Variants in CC2D1B observed in about 807,000 individuals in gnomAD.
The protein encoded by CC2D1B is coiled-coil and C2 domain-containing protein 1B.
A neutral mutation model predicts 110.8 loss-of-function variants in CC2D1B; 92 were observed. That is an observed-to-expected ratio of 0.83 (90% CI 0.70 to 0.99). The LOEUF (loss-of-function observed/expected upper bound fraction) is 0.99. Ranked by LOEUF, CC2D1B falls within the 50% of genes least tolerant of loss-of-function variation. The pLI is 0.00. For synonymous variants in CC2D1B, 406 were observed against 429.2 expected (o/e 0.95, Z 0.67); for missense variants, 1,136 against 1,089.0 (o/e 1.04, Z -0.61).
At position 52,353,499 on chromosome 1, in the gene CC2D1B, G is replaced by A. The variant is rs763364108; in HGVS notation, c.*1+19C>T. 50 of 1,598,988 alleles carry A rather than the reference G, an allele frequency of 3.1e-5. 1 individual carries two copies. In the Admixed American group the frequency reaches 8.5e-4, roughly 27 times the overall value. ...AAAAGGAGGGGGCAAAGGTTCTGAA[G>A]GCCCAGAGAGCTGCCCACCTCACAA... On this transcript the variant is annotated intron_variant, in intron 24 of 24. Coordinates refer to ENST00000284376, the MANE Select transcript of CC2D1B (RefSeq NM_001330585.2).
At chr1:52,356,118 C>G in intron 18 of CC2D1B, 68 bp downstream of exon 18, 1 of 1,385,822 alleles carries the variant, frequency 7.2e-7, no homozygotes, top group South Asian at 1.2e-5. Context: ...GGGTAGCAGT[C>G]TCTGGCCTGG....
At chr1:52,360,296 C>A in intron 6 of CC2D1B, 63 bp from the exon 7 acceptor site, 1 of 1,605,482 alleles carries the variant, frequency 6.2e-7, no homozygotes, top group East Asian at 2.2e-5. Context: ...TGCTCCAAGA[C>A]AGGCCAGGGG....
chr1:52,362,287 A>G (rs1359212678), intron 3 of CC2D1B, among the ~76,000 whole-genome samples: 1 of 152,148 alleles, frequency 6.6e-6, no homozygotes, highest in East Asian at 1.9e-4. Flanking sequence ...CACAATTTCT[A>G]TGTACTTCCT....
At chr1:52,355,899 A>G in intron 18 of CC2D1B, 55 bp from the exon 19 acceptor site, 2 of 1,580,892 alleles carry the variant, frequency 1.3e-6, no homozygotes, top group East Asian at 4.5e-5. Flanking sequence ...GTAGTGGAAC[A>G]AGGTCCCTTC....
chr1:52,357,528 T>C lies in CC2D1B; in HGVS notation c.1750A>G (p.Lys584Glu). 6.4e-7 allele frequency: 1 copy of C among 1,573,962 alleles called. No individual in the cohort carries two copies. Among genetic ancestry groups the C allele is most frequent in the African/African-American group, 1.3e-5 (1 of 74,128 alleles). The change falls in exon 15 of 25, where the codon AAG becomes GAG. Residue 584 changes from lysine to glutamate, a missense_variant and splice_region_variant. Physicochemically the swap from Lys to Glu is moderately conservative, Grantham distance 56. Transcript: ENST00000284376. ...GTGGTTAACCAGGTGGGACTCACCT[T>C]GGACAGATCAACAGGTCTGCCAGAT... is the stretch of plus-strand genomic sequence containing the variant. ...ARSGRPVDLSKVPSPLTDEEG... is the reference protein window; with the variant it reads ...ARSGRPVDLSEVPSPLTDEEG...
chr1:52,360,640 T>C, intron 5 of CC2D1B, 91 bp from the exon 6 acceptor site: 12 of 1,512,568 alleles, frequency 7.9e-6, no homozygotes, highest in Non-Finnish European at 1.1e-5. Context: ...AAGATGGAGC[T>C]CTGGGACTCC....
In CC2D1B at chr1:52,359,306, G is replaced by A; in HGVS notation, c.1070C>T (p.Pro357Leu). The A allele has an allele frequency of 6.2e-7, 1 of 1,613,506 alleles. No individual in the cohort carries two copies. Among genetic ancestry groups the A allele is most frequent in the African/African-American group, 1.3e-5 (1 of 75,070 alleles). ...TGGCTGCACTCGCTCCACGGCTGGG[G>A]GAATGACTGAGGGTGCTGTGGGAGC... ...SQAPTAPSVI[P>L]PAVERVQPVM... Residue 357 changes from proline (P) to leucine (L), a missense_variant, in exon 10 of 25, where the codon CCC (proline) becomes CTC (leucine). Coordinates refer to ENST00000284376, the MANE Select transcript of CC2D1B (RefSeq NM_001330585.2).
chr1:52,354,995 G>T, intron 21 of CC2D1B, 56 bp from the exon 22 acceptor site: 1 of 1,445,492 alleles, frequency 6.9e-7, no homozygotes, highest in Non-Finnish European at 9.7e-7. Flanking sequence ...TCCTGAGGAA[G>T]TGGAAATGGA....
intron 1 of CC2D1B, 94 bp from the exon 2 acceptor site, chr1:52,364,728 A>C: frequency 1.4e-6 from 1 of 704,584 alleles, no homozygotes; most frequent in Non-Finnish European, 2.3e-6. Context: ...GTAAACTCCC[A>C]AAGAAGGCAA....
chr1:52,356,138 C>G, intron 18 of CC2D1B, 48 bp downstream of exon 18: 1 of 1,507,688 alleles, frequency 6.6e-7, no homozygotes, highest in Non-Finnish European at 9.2e-7. Flanking sequence ...GGCTCCCAGC[C>G]TCCTGCCCCT....
rs951690219 is a variant in CC2D1B at position 52,361,494 on chromosome 1, A to G, written c.318+19T>C. On this transcript the variant is annotated intron_variant, in intron 4 of 24. Transcript: ENST00000284376. ...CAAGCTTGCCTCAGAGCCCTGGGAT[A>G]CCAGCCTGGCAGACACACCAGCAGC... The G allele has an allele frequency of 4.3e-6, 7 of 1,613,480 alleles. No homozygotes were observed. In the Admixed American group the frequency reaches 1.2e-4, roughly 27 times the overall value.
At chr1:52,363,356 C>T (rs1284641094) in intron 2 of CC2D1B, among the ~76,000 whole-genome samples, 3 of 148,692 alleles carry the variant, frequency 2.0e-5, no homozygotes, top group South Asian at 2.1e-4. Flanking sequence ...GATGGCGCCA[C>T]TGCACTCCAG....
In CC2D1B at chr1:52,353,090, G is replaced by T; in HGVS notation, c.*135C>A. On this transcript the variant is annotated 3_prime_UTR_variant, in exon 25 of 25. Transcript: ENST00000284376. ...AAAGACCAGAGTCGTGGTCAGTAGT[G>T]CACATGCTTAACAGGTCTTTGGTGC... 1 of 878,234 alleles carries T rather than the reference G, an allele frequency of 1.1e-6. No individual in the cohort carries two copies. The highest frequency in any genetic ancestry group is 1.7e-5 in the African/African-American group (1 of 57,616). The allele number at this position is 878,234 out of a possible 1,614,324, so 54.4% of individuals were successfully genotyped here. A position where few individuals can be genotyped will look rare whatever the true frequency, so the allele number is the denominator to read the frequency against.
At chr1:52,355,931 C>G (rs1462435595) in intron 18 of CC2D1B, 87 bp from the exon 19 acceptor site, 2 of 1,388,894 alleles carry the variant, frequency 1.4e-6, no homozygotes, top group African/African-American at 1.4e-5. Context: ...GTCTGCCCAG[C>G]TGGGTGGTGA....
Position 52,360,434 on chromosome 1 carries a change from C to T in CC2D1B, c.593G>A (p.Arg198His), listed in dbSNP as rs1204128248. The change falls in exon 6 of 25, where the codon CGC becomes CAC. Residue 198 changes from arginine (R) to histidine (H), a missense_variant. Transcript: ENST00000284376. ...GEAAKARRCERGLKTLESQLA... is the reference protein window; with the variant it reads ...GEAAKARRCEHGLKTLESQLA... ...CCTAGCCCGACTCACCTTCAGGCCG[C>T]GCTCGCAGCGCCTGGCTTTGGCTGC... is the stretch of plus-strand genomic sequence containing the variant. The T allele has an allele frequency of 2.5e-6, 4 of 1,613,564 alleles. No individual in the cohort carries two copies. Among genetic ancestry groups the T allele is most frequent in the East Asian group, 2.2e-5 (1 of 44,884 alleles).
chr1:52,357,768 G>A lies in CC2D1B; in HGVS notation c.1579+13C>T, dbSNP rs1440140042. The A allele has an allele frequency of 2.5e-6, 4 of 1,596,354 alleles. No individual in the cohort carries two copies. The highest frequency in any genetic ancestry group is 1.3e-5 in the African/African-American group (1 of 74,692). ...AGGCCCTCAGTTCTTCACCCTGCTTGTCCCCAACTCACCAGATGGACTCGG... is the reference window on the plus strand; with the variant it reads ...AGGCCCTCAGTTCTTCACCCTGCTTATCCCCAACTCACCAGATGGACTCGG... On this transcript the variant is annotated intron_variant, in intron 14 of 24. Coordinates refer to ENST00000284376, the MANE Select transcript of CC2D1B (RefSeq NM_001330585.2).
At position 52,361,355 on chromosome 1, in the gene CC2D1B, G is replaced by T. The variant is rs572130129; in HGVS notation, c.318+158C>A. 2.5e-5 allele frequency: 34 copies of T among 1,358,948 alleles called. No homozygotes were observed. The East Asian group carries it at 4.6e-4, about 18-fold the overall frequency. The allele number at this position is 1,358,948 out of a possible 1,614,324, so 84.2% of individuals were successfully genotyped here. On this transcript the variant is annotated intron_variant, in intron 4 of 24. Transcript: ENST00000284376. ...CCCAACTGCAGAGCTTAGACCAGAA[G>T]TCAAAGAGACACGCCACCCACTGTA...
In CC2D1B at chr1:52,359,365, A is replaced by G; in HGVS notation, c.1019-8T>C. ...CCTGCTGGGGCTTCAGATCTGGGGG[A>G]CCCAGAGTAGAGGTGTAGGTGGGAG... is the stretch of plus-strand genomic sequence containing the variant. On this transcript the variant is annotated splice_region_variant and splice_polypyrimidine_tract_variant and intron_variant, in intron 9 of 24. Transcript: ENST00000284376. The G allele has an allele frequency of 1.9e-6, 3 of 1,612,524 alleles. No individual in the cohort carries two copies. The highest frequency in any genetic ancestry group is 2.5e-6 in the Non-Finnish European group (3 of 1,179,090).
At chr1:52,355,931 C>T in intron 18 of CC2D1B, 87 bp from the exon 19 acceptor site, 7 of 1,388,894 alleles carry the variant, frequency 5.0e-6, no homozygotes, top group Non-Finnish European at 7.2e-6. Context: ...GTCTGCCCAG[C>T]TGGGTGGTGA....
Sources: gnomAD v4.1 joint callset for allele counts (sites outside exome capture counted in the v4.1 genomes callset) on GRCh38, gnomAD v4.1.1 for gene constraint, MANE v1.5 for transcripts, NCBI Gene and HGNC (gene_info 2026-07-23, HGNC 2026-07-21) for gene names.